Variants in ZNF346 observed in about 807,000 individuals in gnomAD.
The protein encoded by ZNF346 is double-stranded RNA-binding zinc finger protein JAZ.
In ZNF346, 23 loss-of-function variants were observed where a neutral mutation model predicts 33.7. The ratio of observed to expected loss-of-function variants is 0.68; its 90% CI spans 0.49 to 0.97. The LOEUF is 0.97. Among genes scored for constraint, ZNF346 ranks in the 50% least tolerant of loss-of-function variants. ZNF346 has a pLI of 0.00. For synonymous variants in ZNF346, 134 were observed against 142.4 expected (o/e 0.94, Z 0.42); for missense variants, 340 against 371.1 (o/e 0.92, Z 0.69).
chr5:177,037,819 C>CT (rs1778719758), intron 1 of ZNF346, among the ~76,000 whole-genome samples: 1 of 152,188 alleles, frequency 6.6e-6, no homozygotes, highest in Non-Finnish European at 1.5e-5. Flanking sequence ...TCTCATTACA[C>CT]TAACAATAAA....
chr5:177,075,840 C>T (rs1288460384), intron 8 of ZNF346, among the ~76,000 whole-genome samples: 1 of 152,226 alleles, frequency 6.6e-6, no homozygotes, highest in African/African-American at 2.4e-5. Context: ...GCACCCGCCA[C>T]CACGCCCAGC....
intron 1 of ZNF346, among the ~76,000 whole-genome samples, chr5:177,027,659 T>G (rs1776992572): frequency 6.6e-6 from 1 of 151,098 alleles, no homozygotes; most frequent in South Asian, 2.1e-4. Context: ...TCCTTTCCTT[T>G]TTTTTTTTTT....
intron 8 of ZNF346, among the ~76,000 whole-genome samples, chr5:177,073,034 G>A (rs1783579324): frequency 6.6e-6 from 1 of 152,186 alleles, no homozygotes; most frequent in African/African-American, 2.4e-5. Flanking sequence ...CAAGTTGGCT[G>A]CCCTTTGTGT....
chr5:177,046,348 T>TC (rs574359453), intron 4 of ZNF346, among the ~76,000 whole-genome samples: 12 of 152,046 alleles, frequency 7.9e-5, no homozygotes, highest in African/African-American at 2.9e-4. Context: ...AGACTTCTCT[T>TC]CCCACAAATG....
intron 5 of ZNF346, among the ~76,000 whole-genome samples, chr5:177,061,627 A>G (rs924591648): frequency 6.6e-6 from 1 of 152,184 alleles, no homozygotes; most frequent in Non-Finnish European, 1.5e-5. Context: ...AGAAAGACAG[A>G]TTGATTATCA....
downstream of ZNF346, among the ~76,000 whole-genome samples, chr5:177,069,527 T>C (rs1414453386): frequency 1.3e-5 from 2 of 151,842 alleles, no homozygotes; most frequent in Non-Finnish European, 2.9e-5. Context: ...AATTTAGCCA[T>C]CCTACTTTTT....
chr5:177,037,037 T>C (rs1778606278), intron 1 of ZNF346, among the ~76,000 whole-genome samples: 1 of 152,172 alleles, frequency 6.6e-6, no homozygotes, highest in Admixed American at 6.5e-5. Context: ...ACAAAATTGC[T>C]CTCGGATTGT....
intron 8 of ZNF346, among the ~76,000 whole-genome samples, chr5:177,075,873 T>TA (rs1470868630): frequency 6.6e-6 from 1 of 152,130 alleles, no homozygotes; most frequent in Non-Finnish European, 1.5e-5. Flanking sequence ...TTTTAATAGA[T>TA]ACAGGGTTTC....
chr5:177,070,099 A>G (rs1783433449), downstream of ZNF346, among the ~76,000 whole-genome samples: 1 of 152,228 alleles, frequency 6.6e-6, no homozygotes, highest in African/African-American at 2.4e-5. Context: ...TAGAGTAGGC[A>G]TATGTTTAGC....
intron 1 of ZNF346, among the ~76,000 whole-genome samples, chr5:177,040,381 T>C (rs1222454110): frequency 1.3e-5 from 2 of 152,156 alleles, no homozygotes; most frequent in African/African-American, 2.4e-5. Context: ...AGTCTAGCTC[T>C]GTCACCCAAG....
chr5:177,068,050 G>GTCTCTACTAAAAA (rs1554159199), downstream of ZNF346, among the ~76,000 whole-genome samples: 2 of 119,490 alleles, frequency 1.7e-5, no homozygotes, highest in Admixed American at 7.7e-5. Context: ...AAAATGGAGA[G>GTCTCTACTAAAAA]TAGAATCCAG....
chr5:177,023,114 G>C, intron 1 of ZNF346: 1 of 1,474,500 alleles, frequency 6.8e-7, no homozygotes, highest in Non-Finnish European at 9.2e-7. Context: ...GGCCGCTCAC[G>C]CTCAGGCCCT....
At chr5:177,079,582 C>G (rs1161845850) in exon 9 of ZNF346, 3 of 152,188 alleles carry the variant, frequency 2.0e-5, no homozygotes, top group African/African-American at 7.2e-5. Context: ...CCAACCTACA[C>G]CCACCTCTGG....
intron 3 of ZNF346, chr5:177,042,381 A>T (rs1047087424): frequency 6.6e-6 from 1 of 152,392 alleles, no homozygotes; most frequent in Non-Finnish European, 1.5e-5. Context: ...AGCAACCCCC[A>T]ATCCCTCAGG....
intron 4 of ZNF346, among the ~76,000 whole-genome samples, chr5:177,048,650 G>A (rs953587392): frequency 3.7e-4 from 56 of 152,078 alleles, no homozygotes; most frequent in African/African-American, 1.3e-3. Context: ...GGAAAAGTCG[G>A]AAAATAGTGA....
At chr5:177,022,991 C>G (rs1332184971) in intron 1 of ZNF346, 78 bp downstream of exon 1, 1 of 1,441,832 alleles carries the variant, frequency 6.9e-7, no homozygotes, top group African/African-American at 1.4e-5. Context: ...CGCCGACGGT[C>G]ACACCCCCTG....
chr5:177,051,165 C>CT (rs1436720344), intron 5 of ZNF346, among the ~76,000 whole-genome samples: 1 of 130,690 alleles, frequency 7.7e-6, no homozygotes, highest in African/African-American at 3.0e-5. Flanking sequence ...TTCAGGTTTT[C>CT]TTTTCTTTTT....
At chr5:177,075,308 C>T (rs1052068654) in intron 8 of ZNF346, among the ~76,000 whole-genome samples, 7 of 151,874 alleles carry the variant, frequency 4.6e-5, no homozygotes, top group East Asian at 1.9e-4. Context: ...GAGGCTGAGG[C>T]GGGAAAATGG....
intron 5 of ZNF346, among the ~76,000 whole-genome samples, chr5:177,056,586 TA>T (rs1198281352): frequency 2.6e-5 from 4 of 152,114 alleles, no homozygotes; most frequent in Non-Finnish European, 4.4e-5. Context: ...TATGCAGCCA[TA>T]AAAAAGGATG....
Sources: gnomAD v4.1 joint callset for allele counts (sites outside exome capture counted in the v4.1 genomes callset) on GRCh38, gnomAD v4.1.1 for gene constraint, MANE v1.5 for transcripts, NCBI Gene and HGNC (gene_info 2026-07-23, HGNC 2026-07-21) for gene names.